The following ATP8B4 variants were observed in gnomAD, a reference collection of about 807,000 sequenced individuals.
ATP8B4 encodes ATPase phospholipid transporting 8B4 (putative), also known as probable phospholipid-transporting ATPase IM.
In ATP8B4, 133 loss-of-function variants were observed where a neutral mutation model predicts 145.6. The observed-to-expected ratio is 0.91, with a 90% CI of 0.79 to 1.05. The LOEUF (loss-of-function observed/expected upper bound fraction) is 1.05. Among genes scored for constraint, ATP8B4 ranks in the 50% least tolerant of loss-of-function variants. The pLI is 0.00. For synonymous variants in ATP8B4, 507 were observed against 492.9 expected (o/e 1.03, Z -0.38); for missense variants, 1,458 against 1,425.2 (o/e 1.02, Z -0.37).
At chr15:50,034,536 G>A (rs1206610639) in intron 6 of ATP8B4, among the ~76,000 whole-genome samples, 1 of 152,024 alleles carries the variant, frequency 6.6e-6, no homozygotes, top group Non-Finnish European at 1.5e-5. Context: ...GCCATTGAGT[G>A]TCTCTTAAAA....
intron 1 of ATP8B4, among the ~76,000 whole-genome samples, chr15:50,126,672 A>C (rs2057309602): frequency 6.6e-6 from 1 of 152,202 alleles, no homozygotes. Flanking sequence ...AGGTGCCTGG[A>C]ATTTCCATTG....
chr15:50,049,512 G>C (rs2052004933), intron 3 of ATP8B4, among the ~76,000 whole-genome samples: 1 of 152,174 alleles, frequency 6.6e-6, no homozygotes, highest in Non-Finnish European at 1.5e-5. Flanking sequence ...GGTATTCCAT[G>C]GTGTATATGT....
intron 3 of ATP8B4, among the ~76,000 whole-genome samples, chr15:50,069,446 T>C (rs2053585885): frequency 1.3e-5 from 2 of 152,204 alleles, no homozygotes; most frequent in East Asian, 1.9e-4. Flanking sequence ...AAAAAGTTTG[T>C]CTGATCGGGC....
At chr15:49,952,025 A>T (rs2043148518) in intron 14 of ATP8B4, among the ~76,000 whole-genome samples, 1 of 152,128 alleles carries the variant, frequency 6.6e-6, no homozygotes. Flanking sequence ...TTGACCCCCA[A>T]TCTCTTCTGG....
At chr15:49,917,489 A>AAAC (rs1249847450) in intron 19 of ATP8B4, among the ~76,000 whole-genome samples, 4 of 151,730 alleles carry the variant, frequency 2.6e-5, no homozygotes, top group Non-Finnish European at 5.9e-5. Context: ...GTTCAGTTGA[A>AAAC]TGACAAAAAA....
intron 20 of ATP8B4, among the ~76,000 whole-genome samples, chr15:49,903,199 G>A (rs553665493): frequency 6.6e-6 from 1 of 152,068 alleles, no homozygotes; most frequent in Admixed American, 6.5e-5. Context: ...TTTTCTTCCT[G>A]GAATTTAGCT....
intron 3 of ATP8B4, among the ~76,000 whole-genome samples, chr15:50,055,125 G>A (rs2052507618): frequency 6.6e-6 from 1 of 152,160 alleles, no homozygotes; most frequent in Non-Finnish European, 1.5e-5. Flanking sequence ...TAGCCCTAGA[G>A]ATTACTAACA....
intron 5 of ATP8B4, 75 bp from the exon 6 acceptor site, chr15:50,038,904 C>T (rs2051049818): frequency 7.8e-7 from 1 of 1,289,756 alleles, no homozygotes; most frequent in Non-Finnish European, 1.1e-6. Context: ...ACTGGCAATA[C>T]TTTGAGTTCA....
At chr15:50,038,973 C>A in intron 5 of ATP8B4, 144 bp from the exon 6 acceptor site, 1 of 670,766 alleles carries the variant, frequency 1.5e-6, no homozygotes, top group Non-Finnish European at 2.6e-6. Flanking sequence ...TCCTGTGAAC[C>A]CAGCTCTACA....
At chr15:50,008,004 TC>T (rs941399507) in intron 7 of ATP8B4, among the ~76,000 whole-genome samples, 1 of 152,170 alleles carries the variant, frequency 6.6e-6, no homozygotes, top group Non-Finnish European at 1.5e-5. Context: ...GATAAAAATA[TC>T]TTTTTTTGAT....
intron 23 of ATP8B4, chr15:49,879,662 T>C (rs750716344): frequency 3.8e-6 from 2 of 520,398 alleles, no homozygotes; most frequent in Non-Finnish European, 6.8e-6. Flanking sequence ...GCAGTTTCTT[T>C]ATCTCTAAAG....
At chr15:50,043,398 C>T (rs2051457874) in intron 5 of ATP8B4, among the ~76,000 whole-genome samples, 1 of 152,044 alleles carries the variant, frequency 6.6e-6, no homozygotes, top group Admixed American at 6.5e-5. Flanking sequence ...TGCACAGGTC[C>T]ACTTATACAC....
At chr15:50,012,624 G>A (rs2048799887) in intron 6 of ATP8B4, among the ~76,000 whole-genome samples, 1 of 152,170 alleles carries the variant, frequency 6.6e-6, no homozygotes, top group East Asian at 1.9e-4. Context: ...GTAAGACCAT[G>A]AGAGGAAATT....
intron 6 of ATP8B4, among the ~76,000 whole-genome samples, chr15:50,028,719 T>C (rs569792217): frequency 6.6e-6 from 1 of 152,212 alleles, no homozygotes; most frequent in East Asian, 1.9e-4. Context: ...GCAAAAGTAA[T>C]TGTGGAATAA....
chr15:50,029,255 A>AAAAAC (rs776952913), intron 6 of ATP8B4, among the ~76,000 whole-genome samples: 12 of 141,272 alleles, frequency 8.5e-5, no homozygotes, highest in Non-Finnish European at 1.8e-4. Context: ...AAAAAAAAAA[A>AAAAAC]AACAGAAAAA....
At chr15:50,125,089 T>C (rs2057298510) in intron 1 of ATP8B4, among the ~76,000 whole-genome samples, 1 of 152,190 alleles carries the variant, frequency 6.6e-6, no homozygotes, top group South Asian at 2.1e-4. Flanking sequence ...GTAAAGACTT[T>C]TGGCCTCCGC....
At chr15:49,956,652 C>T (rs2043589406) in intron 14 of ATP8B4, among the ~76,000 whole-genome samples, 1 of 152,122 alleles carries the variant, frequency 6.6e-6, no homozygotes, top group Admixed American at 6.5e-5. Context: ...AGTGATCCTC[C>T]TATCTCAGCC....
intron 1 of ATP8B4, among the ~76,000 whole-genome samples, chr15:50,137,253 T>G (rs6493405): frequency 1.8e-4 from 27 of 152,224 alleles, no homozygotes; most frequent in Admixed American, 5.2e-4. Flanking sequence ...CCAAGTGGAG[T>G]TACCTAATAT....
rs1294190672 is a variant in ATP8B4, at chr15:50,016,420, A to C, written c.363-5503T>G. 3.3e-5 allele frequency among the ~76,000 whole-genome samples: 5 copies of C among 152,200 alleles called. No individual in the cohort carries two copies. In the East Asian group the frequency reaches 9.6e-4, roughly 29 times the overall value. ...ATGGAGAAAACAGAGCTATTGGTCTAGGTTGGATTCCTGGGTAGTAGATTT... is the reference window on the plus strand; with the variant it reads ...ATGGAGAAAACAGAGCTATTGGTCTCGGTTGGATTCCTGGGTAGTAGATTT... On this transcript the variant is annotated intron_variant, in intron 6 of 27. Transcript: ENST00000284509.
Sources: gnomAD v4.1 joint callset for allele counts (sites outside exome capture counted in the v4.1 genomes callset) on GRCh38, gnomAD v4.1.1 for gene constraint, MANE v1.5 for transcripts, NCBI Gene and HGNC (gene_info 2026-07-23, HGNC 2026-07-21) for gene names.